Variants in DSTYK observed in about 807,000 individuals in gnomAD.
The protein encoded by DSTYK is dual serine/threonine and tyrosine protein kinase, also known as RIP-homologous kinase.
In DSTYK, 34 loss-of-function variants were observed where a neutral mutation model predicts 98.7. The observed-to-expected ratio is 0.34, with a 90% confidence interval of 0.26 to 0.46. The LOEUF (loss-of-function observed/expected upper bound fraction) is 0.46, where lower values mean the gene tolerates loss of function less well. DSTYK is among the 20% of genes least tolerant of loss of function. The pLI is 1.00. For synonymous variants in DSTYK, 462 were observed against 457.3 expected, an observed-to-expected ratio of 1.01 and a Z score of -0.13; for missense variants, 962 against 1,181.7, an observed-to-expected ratio of 0.81 and a Z score of 2.73.
In DSTYK at chr1:205,169,803, T is replaced by C. The variant is rs1482118628; in HGVS notation, c.684A>G (p.Gln228=). ...GAACATCCACTGTGGGCCGGAGGCCTTGGCATGGTGCTACCACAACGTCCA... is the reference window on the plus strand; with the variant it reads ...GAACATCCACTGTGGGCCGGAGGCCCTGGCATGGTGCTACCACAACGTCCA... ...QEVDVVVAPC[Q]GLRPTVDVLG... The change falls in exon 3 of 13, where the codon CAA becomes CAG. Residue 228 remains glutamine, a synonymous_variant. Coordinates refer to ENST00000367162, the MANE Select transcript of DSTYK (RefSeq NM_015375.3). The surrounding 1 kb of genome is among the most constrained non-coding windows in gnomAD (Gnocchi z 4.0). 6.2e-7 allele frequency: 1 copy of C among 1,613,806 alleles called. No homozygotes were observed. The highest frequency in any genetic ancestry group is 8.5e-7 in the Non-Finnish European group (1 of 1,179,812).
At chr1:205,181,023 T>C (rs1658381880) in intron 2 of DSTYK, among the ~76,000 whole-genome samples, 1 of 152,228 alleles carries the variant, frequency 6.6e-6, no homozygotes, top group South Asian at 2.1e-4. Flanking sequence ...AGCATTTACC[T>C]GAACTTTCCA....
intron 1 of DSTYK, among the ~76,000 whole-genome samples, chr1:205,210,377 G>A (rs1415067775): frequency 6.6e-6 from 1 of 152,104 alleles, no homozygotes; most frequent in East Asian, 1.9e-4. Context: ...CTTCTTTGCT[G>A]TTTTGTCCCC....
intron 10 of DSTYK, among the ~76,000 whole-genome samples, chr1:205,155,642 A>G (rs1022737190): frequency 6.6e-6 from 1 of 151,966 alleles, no homozygotes; most frequent in East Asian, 2.0e-4. Flanking sequence ...TGGGCAACAG[A>G]GCGAGACTCC....
Position 205,162,904 on chromosome 1 carries a change from T to C in DSTYK, c.1641+19A>G. The C allele has an allele frequency of 1.3e-6, 2 of 1,593,978 alleles. No individual in the cohort carries two copies. The highest frequency in any genetic ancestry group is 1.7e-6 in the Non-Finnish European group (2 of 1,161,634). ...CCAACTAGGGGCTTTGAAATCTTTC[T>C]CTAAGTAATAATCCCTACCTGTTTG... On this transcript the variant is annotated intron_variant, in intron 5 of 12. Transcript: ENST00000367162.
rs1174321011 is a variant in DSTYK at position 205,163,927 on chromosome 1, T to C, written c.1353A>G (p.Pro451=). The C allele has an allele frequency of 2.5e-6, 4 of 1,614,066 alleles. No individual in the cohort carries two copies. The Admixed American group carries it at 6.7e-5, about 27-fold the overall frequency. ...KDVIVPENGE[P]VGTREIKCCI... The stretch of plus-strand genomic sequence containing the variant: ...AGCATTTGATCTCTCTGGTGCCTAC[T>C]GGTTCTCCATTCTCAGGGACAATGA... Residue 451 remains proline (P), a synonymous_variant, in exon 4 of 13, where the codon CCA becomes CCG. Transcript: ENST00000367162.
At chr1:205,152,457 G>C in intron 10 of DSTYK, among the ~76,000 whole-genome samples, 1 of 152,198 alleles carries the variant, frequency 6.6e-6, no homozygotes. Context: ...GATTACAGGC[G>C]TAAGCCACTG....
chr1:205,150,267 ATAGCACTTAATT>A lies in DSTYK; in HGVS notation c.2467+401_2467+412del, dbSNP rs1001977857. On this transcript the variant is annotated intron_variant, in intron 11 of 12. Coordinates refer to ENST00000367162, the MANE Select transcript of DSTYK (RefSeq NM_015375.3). The surrounding 1 kb of genome is among the most constrained non-coding windows in gnomAD (Gnocchi z 4.1). ...TCTCTAAACACCAACAGTACATTAT[ATAGCACTTAATT>A]TAGCACTTAATCATACGTTGTGTTG... Among the ~76,000 whole-genome samples, 1 of 152,170 alleles carries A rather than the reference ATAGCACTTAATT, an allele frequency of 6.6e-6. No individual in the cohort carries two copies. Among genetic ancestry groups the A allele is most frequent in the Non-Finnish European group, 1.5e-5 (1 of 68,048 alleles).
chr1:205,190,359 T>C (rs908782025), intron 1 of DSTYK, among the ~76,000 whole-genome samples: 1 of 152,126 alleles, frequency 6.6e-6, no homozygotes, highest in Non-Finnish European at 1.5e-5. Context: ...GTGCAGTGGC[T>C]CACACCTGTA....
chr1:205,158,912 A>G (rs1471454812), intron 9 of DSTYK, among the ~76,000 whole-genome samples: 1 of 152,200 alleles, frequency 6.6e-6, no homozygotes, highest in Non-Finnish European at 1.5e-5. Context: ...ACTAAACAAC[A>G]AAAACTAGCT....
chr1:205,147,779 G>C (rs768186691), intron 12 of DSTYK, 34 bp from the exon 13 acceptor site: 11 of 1,602,060 alleles, frequency 6.9e-6, no homozygotes, highest in Non-Finnish European at 9.4e-6. Context: ...AGATCACAGT[G>C]AGAGGGACCC....
chr1:205,192,147 G>A (rs1658730840), intron 1 of DSTYK, among the ~76,000 whole-genome samples: 1 of 152,054 alleles, frequency 6.6e-6, no homozygotes, highest in Non-Finnish European at 1.5e-5. Context: ...CATTTATTGA[G>A]CCCTTTCTAT....
chr1:205,157,455 C>T, intron 9 of DSTYK, 69 bp from the exon 10 acceptor site: 2 of 1,260,662 alleles, frequency 1.6e-6, no homozygotes, highest in Non-Finnish European at 2.3e-6. Flanking sequence ...TATACTAGGG[C>T]ACATGAGGAC....
At chr1:205,171,911 A>C (rs932205711) in intron 2 of DSTYK, among the ~76,000 whole-genome samples, 5 of 152,206 alleles carry the variant, frequency 3.3e-5, no homozygotes, top group African/African-American at 1.2e-4. Flanking sequence ...CGTTTCTTTC[A>C]GATGATTATG....
At chr1:205,195,761 G>T (rs1399826588) in intron 1 of DSTYK, among the ~76,000 whole-genome samples, 2 of 152,242 alleles carry the variant, frequency 1.3e-5, no homozygotes, top group African/African-American at 4.8e-5. Flanking sequence ...CACCGGGGGA[G>T]AGGAGACCGC....
intron 2 of DSTYK, among the ~76,000 whole-genome samples, chr1:205,181,810 T>C (rs923717326): frequency 2.0e-5 from 3 of 151,880 alleles, no homozygotes; most frequent in African/African-American, 7.3e-5. Context: ...GCCTCCTATG[T>C]AGCTTGGACC....
Position 205,211,594 on chromosome 1 carries a change from C to A in DSTYK, c.-59G>T. On this transcript the variant is annotated 5_prime_UTR_variant, in exon 1 of 13. It adds an upstream start codon to the 5' untranslated region. Coordinates refer to ENST00000367162, the MANE Select transcript of DSTYK (RefSeq NM_015375.3). ...CCCGGCCGCAGGCCCGGCCTCCCTC[C>A]TCCCCGCCCCCCAGTGCCGAAGGGA... is the stretch of plus-strand genomic sequence containing the variant. The A allele has an allele frequency of 7.1e-7, 1 of 1,407,164 alleles. No individual in the cohort carries two copies. Among genetic ancestry groups the A allele is most frequent in the Non-Finnish European group, 9.2e-7 (1 of 1,088,720 alleles). 87.2% of individuals were successfully genotyped at this position (1,407,164 alleles called of 1,614,324 possible).
Position 205,169,343 on chromosome 1 carries a change from G to T in DSTYK, c.1144C>A (p.Arg382=), listed in dbSNP as rs146013414. 57 of 1,614,040 alleles carry T rather than the reference G, an allele frequency of 3.5e-5. No individual in the cohort carries two copies. The African/African-American group carries it at 7.1e-4, about 20-fold the overall frequency. ...CGTTTGGGAGTGATCTGCAGGTCCC[G>T]CTGCATGTCAAATGCCTGGTTAATA... ...IFINQAFDMQ[R]DLQITPKRLE... Residue 382 remains arginine (R), a synonymous_variant, in exon 3 of 13, where the codon CGG becomes AGG. Coordinates refer to ENST00000367162, the MANE Select transcript of DSTYK (RefSeq NM_015375.3). The surrounding 1 kb of genome is among the most constrained non-coding windows in gnomAD (Gnocchi z 4.0).
At position 205,163,776 on chromosome 1, in the gene DSTYK, G is replaced by A. The variant is rs564670340; in HGVS notation, c.1504C>T (p.Leu502=). ...ACTGAGACATCCTGAGACTTCTCCAGGCTCTGCAGACATCGTTCCAGGGTT... is the reference window on the plus strand; with the variant it reads ...ACTGAGACATCCTGAGACTTCTCCAAGCTCTGCAGACATCGTTCCAGGGTT... ...VGTLERCLQS[L]EKSQDVSVHI... Residue 502 remains leucine, a synonymous_variant, in exon 4 of 13, where the codon CTG becomes TTG. Coordinates refer to ENST00000367162, the MANE Select transcript of DSTYK (RefSeq NM_015375.3). 2 of 1,614,084 alleles carry A rather than the reference G, an allele frequency of 1.2e-6. No homozygotes were observed. Among genetic ancestry groups the A allele is most frequent in the South Asian group, 2.2e-5 (2 of 91,066 alleles).
intron 1 of DSTYK, 67 bp downstream of exon 1, chr1:205,211,204 G>C: frequency 6.6e-7 from 1 of 1,513,882 alleles, no homozygotes; most frequent in Non-Finnish European, 8.8e-7. Flanking sequence ...GTTTTGCAGG[G>C]CAGGGGTGCG....
Sources: allele counts gnomAD v4.1 joint callset (sites outside exome capture counted in the v4.1 genomes callset), GRCh38; gene constraint gnomAD v4.1.1; non-coding constraint Gnocchi (gnomAD v3.1); transcripts MANE v1.5; gene names NCBI Gene and HGNC (gene_info 2026-07-23, HGNC 2026-07-21).